The following MED27 variants were observed in gnomAD, a reference collection of about 807,000 sequenced individuals.
The protein encoded by MED27 is mediator complex subunit 27.
A neutral mutation model predicts 38.2 loss-of-function variants in MED27; 30 were observed. That is an observed-to-expected ratio of 0.79 (90% CI 0.59 to 1.07). The LOEUF (loss-of-function observed/expected upper bound fraction) is 1.07, where lower values mean the gene tolerates loss of function less well. MED27 is among the 50% of genes least tolerant of loss of function. The pLI is 0.00. For missense variants in MED27, 289 were observed against 397.5 expected, an observed-to-expected ratio of 0.73 and a Z score of 2.32; for synonymous variants, 122 against 153.5, an observed-to-expected ratio of 0.79 and a Z score of 1.52.
At chr9:131,992,369 C>T (rs1831993845) in intron 3 of MED27, among the ~76,000 whole-genome samples, 1 of 152,138 alleles carries the variant, frequency 6.6e-6, no homozygotes, top group Non-Finnish European at 1.5e-5. Context: ...TCCCATCTGT[C>T]GATACTGCAC....
In MED27 at chr9:132,058,584, T is replaced by C. The variant is rs532477501; in HGVS notation, c.348+18858A>G. On this transcript the variant is annotated intron_variant, in intron 2 of 7. Transcript: ENST00000292035. The stretch of plus-strand genomic sequence containing the variant: ...CCCTTCCAGTGCAATTGTAAGTTTC[T>C]TGGGGCCTTCCCAGCCATGCGGAAC... Among the ~76,000 whole-genome samples the C allele has an allele frequency of 2.6e-5, 4 of 152,342 alleles. No homozygotes were observed. In the South Asian group the frequency reaches 6.2e-4, roughly 24 times the overall value.
At chr9:132,014,580 T>A in intron 2 of MED27, 113 bp from the exon 3 acceptor site, 1 of 1,029,534 alleles carries the variant, frequency 9.7e-7, no homozygotes, top group Non-Finnish European at 1.4e-6. Flanking sequence ...ACATTTTAAG[T>A]AACTTCAAAT....
intron 4 of MED27, among the ~76,000 whole-genome samples, chr9:131,922,269 A>G (rs939407457): frequency 1.3e-5 from 2 of 152,124 alleles, no homozygotes; most frequent in African/African-American, 4.8e-5. Context: ...ACCGTGAGCT[A>G]TTCTTACACT....
chr9:131,870,323 G>A (rs1279401374), intron 6 of MED27, among the ~76,000 whole-genome samples: 2 of 152,142 alleles, frequency 1.3e-5, no homozygotes, highest in Non-Finnish European at 2.9e-5. Context: ...TGTGACCTTG[G>A]GCGAGGATTA....
rs146406744 is a variant in MED27, at chr9:132,056,891, C to T, written c.348+20551G>A. Among the ~76,000 whole-genome samples, 13 of 152,260 alleles carry T rather than the reference C, an allele frequency of 8.5e-5. No homozygotes were observed. The East Asian group carries it at 2.1e-3, about 25-fold the overall frequency. Reference sequence around the variant, plus strand: ...TCTTCATTCGGCTCATATGGCTGACCGACGCTGAGGTAATGTAAACTCAGA... The same window carrying T: ...TCTTCATTCGGCTCATATGGCTGACTGACGCTGAGGTAATGTAAACTCAGA... On this transcript the variant is annotated intron_variant, in intron 2 of 7. Transcript: ENST00000292035.
Position 131,998,201 on chromosome 9 carries a change from G to A in MED27, c.479+16136C>T, listed in dbSNP as rs564839310. ...AAGGAGCGCACTTGGGGAGAGCTAC[G>A]AACAGCAAAACAGGGTAGTGATTCT... is the stretch of plus-strand genomic sequence containing the variant. On this transcript the variant is annotated intron_variant, in intron 3 of 7. Transcript: ENST00000292035. Among the ~76,000 whole-genome samples, 34 of 150,652 alleles carry A rather than the reference G, an allele frequency of 2.3e-4. No homozygotes were observed. In the South Asian group the frequency reaches 6.9e-3, roughly 31 times the overall value.
intron 3 of MED27, among the ~76,000 whole-genome samples, chr9:131,972,724 C>A (rs1250657066): frequency 1.3e-5 from 2 of 152,180 alleles, no homozygotes; most frequent in African/African-American, 2.4e-5. Flanking sequence ...TGGAAAAGAA[C>A]TGTTATACCA....
At chr9:132,006,807 C>G (rs186327075) in intron 3 of MED27, among the ~76,000 whole-genome samples, 14 of 152,310 alleles carry the variant, frequency 9.2e-5, no homozygotes, top group South Asian at 4.1e-4. Flanking sequence ...GATCACCCCC[C>G]CTTCATGCAT....
At chr9:132,020,992 C>T (rs1217658021) in intron 2 of MED27, among the ~76,000 whole-genome samples, 6 of 152,236 alleles carry the variant, frequency 3.9e-5, no homozygotes, top group African/African-American at 1.2e-4. Context: ...CTCGGTTTCA[C>T]AGCTCCTTCA....
intron 3 of MED27, among the ~76,000 whole-genome samples, chr9:131,969,980 G>A (rs1166297013): frequency 6.6e-6 from 1 of 152,146 alleles, no homozygotes; most frequent in Non-Finnish European, 1.5e-5. Flanking sequence ...GGGGGGTGGG[G>A]GCATAGGAGG....
chr9:132,035,586 A>C (rs1280000161), intron 2 of MED27, among the ~76,000 whole-genome samples: 1 of 152,208 alleles, frequency 6.6e-6, no homozygotes, highest in Non-Finnish European at 1.5e-5. Flanking sequence ...TGAAACCCGA[A>C]GGATGCAAAT....
At position 131,863,129 on chromosome 9, in the gene MED27, A is replaced by G; in HGVS notation, c.735T>C (p.His245=). ...NYQVFQKVTD[H]ATTALLHYQL... The stretch of plus-strand genomic sequence containing the variant: ...GATAGTGGAGCAGGGCAGTGGTGGC[A>G]TGGTCTGTCACCTGAGAGTGAAGGA... Residue 245 remains histidine, a synonymous_variant, in exon 7 of 8, where the codon CAT becomes CAC. Coordinates refer to ENST00000292035, the MANE Select transcript of MED27 (RefSeq NM_004269.4). 1.2e-6 allele frequency: 2 copies of G among 1,614,172 alleles called. No homozygotes were observed. The highest frequency in any genetic ancestry group is 1.7e-6 in the Non-Finnish European group (2 of 1,180,022).
At chr9:132,014,797 AG>A (rs1407511603) in intron 2 of MED27, among the ~76,000 whole-genome samples, 1 of 152,254 alleles carries the variant, frequency 6.6e-6, no homozygotes, top group Non-Finnish European at 1.5e-5. Context: ...AAAAGAAAAA[AG>A]GTTCCATTGT....
chr9:132,063,472 G>A (rs1027191862), intron 2 of MED27, among the ~76,000 whole-genome samples: 4 of 152,168 alleles, frequency 2.6e-5, no homozygotes, highest in African/African-American at 7.2e-5. Flanking sequence ...CGTTTTGGCC[G>A]AGGATTCCAA....
intron 5 of MED27, among the ~76,000 whole-genome samples, chr9:131,886,206 G>A (rs1839137631): frequency 6.6e-6 from 1 of 152,152 alleles, no homozygotes; most frequent in East Asian, 1.9e-4. Flanking sequence ...TAGTTCTCCT[G>A]GCTTTTCCCT....
In MED27 at chr9:131,951,921, T is replaced by C. The variant is rs989493304; in HGVS notation, c.480-12447A>G. ...AATGCATTTCAGTTAGTAAGCACAG[T>C]TCTTTTCATTATTTTTCTAAGAAGG... On this transcript the variant is annotated intron_variant, in intron 3 of 7. Coordinates refer to ENST00000292035, the MANE Select transcript of MED27 (RefSeq NM_004269.4). 6.6e-5 allele frequency among the ~76,000 whole-genome samples: 10 copies of C among 152,210 alleles called. 1 individual carries two copies. The highest frequency in any genetic ancestry group is 2.4e-4 in the African/African-American group (10 of 41,452).
intron 2 of MED27, among the ~76,000 whole-genome samples, chr9:132,070,248 A>C (rs1289566623): frequency 6.6e-6 from 1 of 152,222 alleles, no homozygotes; most frequent in Non-Finnish European, 1.5e-5. Flanking sequence ...CTTTGTGTTC[A>C]GATATTGTCC....
chr9:131,938,089 G>A (rs969710936), intron 4 of MED27, among the ~76,000 whole-genome samples: 4 of 151,984 alleles, frequency 2.6e-5, no homozygotes, highest in Non-Finnish European at 5.9e-5. Flanking sequence ...CCCCACAAAC[G>A]AAGTAACAAA....
At chr9:131,993,475 C>G (rs1242633272) in intron 3 of MED27, among the ~76,000 whole-genome samples, 2 of 152,220 alleles carry the variant, frequency 1.3e-5, no homozygotes, top group Non-Finnish European at 2.9e-5. Context: ...TGGGCTCCAG[C>G]TGTCAGCTCA....
Sources: allele counts gnomAD v4.1 joint callset (sites outside exome capture counted in the v4.1 genomes callset), GRCh38; gene constraint gnomAD v4.1.1; transcripts MANE v1.5; gene names NCBI Gene and HGNC (gene_info 2026-07-23, HGNC 2026-07-21).